The following GABRA2 variants were observed in gnomAD, a reference collection of about 807,000 sequenced individuals.
GABRA2 encodes the protein gamma-aminobutyric acid type A receptor subunit alpha2, also known as gamma-aminobutyric acid receptor subunit alpha-2.
A neutral mutation model predicts 48.7 loss-of-function variants in GABRA2; 16 were observed. The observed-to-expected ratio is 0.33, with a 90% CI of 0.22 to 0.50. GABRA2 has a LOEUF of 0.50. Among genes scored for constraint, GABRA2 ranks in the 20% least tolerant of loss-of-function variants. GABRA2 has a pLI of 0.98. For synonymous variants in GABRA2, 185 were observed against 184.5 expected, an observed-to-expected ratio of 1.00 and a Z score of -0.02; for missense variants, 275 against 535.6, an observed-to-expected ratio of 0.51 and a Z score of 4.80.
At chr4:46,321,563 A>G (rs1487398475) in intron 4 of GABRA2, among the ~76,000 whole-genome samples, 1 of 152,106 alleles carries the variant, frequency 6.6e-6, no homozygotes, top group Non-Finnish European at 1.5e-5. Flanking sequence ...TAAGAAATAG[A>G]TGTTAAAACA....
At chr4:46,314,364 G>T (rs1456640217) in intron 4 of GABRA2, among the ~76,000 whole-genome samples, 1 of 152,046 alleles carries the variant, frequency 6.6e-6, no homozygotes, top group East Asian at 1.9e-4. Flanking sequence ...TGTTTCAGAA[G>T]CTATTGATAT....
chr4:46,291,897 T>C (rs566259617), intron 8 of GABRA2, among the ~76,000 whole-genome samples: 1 of 151,648 alleles, frequency 6.6e-6, no homozygotes, highest in Admixed American at 6.6e-5. Context: ...TACAGAGAAA[T>C]AGAATATTAA....
At chr4:46,389,009 T>C in intron 1 of GABRA2, 1 of 1,183,534 alleles carries the variant, frequency 8.4e-7, no homozygotes, top group Non-Finnish European at 1.0e-6. Context: ...TCCCCCAGCC[T>C]CATCGTCAGC....
chr4:46,299,664 T>G (rs1184912199), intron 8 of GABRA2, among the ~76,000 whole-genome samples: 2 of 136,292 alleles, frequency 1.5e-5, no homozygotes, highest in African/African-American at 5.9e-5. Context: ...GTTGGAGAAT[T>G]GGGTTTCTTT....
intron 7 of GABRA2, among the ~76,000 whole-genome samples, 156 bp downstream of exon 7, chr4:46,305,412 A>AT (rs1264429794): frequency 2.4e-5 from 3 of 125,162 alleles, no homozygotes; most frequent in Non-Finnish European, 5.5e-5. Context: ...TTAAAGTATA[A>AT]TTAAAAAAAA....
chr4:46,279,560 A>G (rs796623127), intron 8 of GABRA2, among the ~76,000 whole-genome samples: 7 of 152,208 alleles, frequency 4.6e-5, no homozygotes, highest in African/African-American at 1.7e-4. Context: ...GTTATATTAA[A>G]CAGAGTCATA....
At chr4:46,264,156 AT>A (rs35779859) in intron 8 of GABRA2, among the ~76,000 whole-genome samples, 95,144 of 151,738 alleles carry the variant, frequency 0.63, 30,509 homozygotes, top group South Asian at 0.76. Flanking sequence ...AACACAACTG[AT>A]TTTTTTCTAC....
intron 3 of GABRA2, 138 bp from the exon 4 acceptor site, chr4:46,332,820 C>T (rs1380519323): frequency 2.4e-5 from 13 of 538,380 alleles, no homozygotes; most frequent in Admixed American, 6.8e-5. Flanking sequence ...TGTCAACTTT[C>T]GCAACCATAA....
At chr4:46,290,315 A>C (rs1317123791) in intron 8 of GABRA2, among the ~76,000 whole-genome samples, 1 of 152,068 alleles carries the variant, frequency 6.6e-6, no homozygotes, top group Non-Finnish European at 1.5e-5. Flanking sequence ...AAAAAAAGCC[A>C]TTGAATTTTC....
chr4:46,345,388 A>T (rs1483455701), intron 3 of GABRA2, among the ~76,000 whole-genome samples: 1 of 151,688 alleles, frequency 6.6e-6, no homozygotes, highest in African/African-American at 2.4e-5. Context: ...CTAAACATAC[A>T]ATGGTGTTCT....
intron 4 of GABRA2, among the ~76,000 whole-genome samples, chr4:46,325,436 T>C (rs570015708): frequency 2.6e-5 from 4 of 152,116 alleles, no homozygotes; most frequent in African/African-American, 4.8e-5. Flanking sequence ...AGATTGTTTG[T>C]TTTTCACTTA....
At chr4:46,379,793 C>T (rs1477739862) in intron 3 of GABRA2, among the ~76,000 whole-genome samples, 2 of 152,206 alleles carry the variant, frequency 1.3e-5, no homozygotes, top group East Asian at 3.9e-4. Flanking sequence ...GAAGCAGAAG[C>T]TTTAACATCT....
intron 7 of GABRA2, among the ~76,000 whole-genome samples, 180 bp from the exon 8 acceptor site, chr4:46,303,792 A>G (rs902147070): frequency 6.6e-6 from 1 of 152,214 alleles, no homozygotes; most frequent in Non-Finnish European, 1.5e-5. Flanking sequence ...GTTTAGAAGA[A>G]AATTTTAGTA....
At chr4:46,332,983 G>A (rs1731628674) in intron 3 of GABRA2, among the ~76,000 whole-genome samples, 2 of 152,046 alleles carry the variant, frequency 1.3e-5, no homozygotes, top group Non-Finnish European at 2.9e-5. Flanking sequence ...AACATCTTAA[G>A]TGAAATAGTT....
chr4:46,345,541 A>G (rs1370634771), intron 3 of GABRA2, among the ~76,000 whole-genome samples: 2 of 151,982 alleles, frequency 1.3e-5, no homozygotes, highest in Admixed American at 1.3e-4. Context: ...TTCTCTCCCC[A>G]TAAGTAGAGA....
intron 3 of GABRA2, among the ~76,000 whole-genome samples, chr4:46,339,599 A>C (rs1161301089): frequency 6.6e-6 from 1 of 151,936 alleles, no homozygotes; most frequent in East Asian, 1.9e-4. Flanking sequence ...TCAAATAAAT[A>C]TACAATTGCA....
intron 8 of GABRA2, among the ~76,000 whole-genome samples, chr4:46,289,392 T>C (rs1723158879): frequency 6.6e-6 from 1 of 152,166 alleles, no homozygotes; most frequent in Non-Finnish European, 1.5e-5. Flanking sequence ...GATCACGTCC[T>C]TTGCAGGAAC....
Position 46,265,448 on chromosome 4 carries a change from G to GTATATATATAA in GABRA2, c.857-3331_857-3321dup, listed in dbSNP as rs1418529481. Among the ~76,000 whole-genome samples the GTATATATATAA allele has an allele frequency of 8.0e-3, 953 of 119,472 alleles. 24 individuals carry two copies. Among genetic ancestry groups the GTATATATATAA allele is most frequent in the African/African-American group, 0.046 (897 of 19,384 alleles). The allele number at this position is 119,472 out of a possible 152,430, so 78.4% of individuals were successfully genotyped here. A position where few individuals can be genotyped will look rare whatever the true frequency, so the allele number is the denominator to read the frequency against. ...TGTGTATATATATATAATATATTGT[G>GTATATATATAA]TATATATATAATATATATATAATAT... On this transcript the variant is annotated intron_variant, in intron 8 of 9. Transcript: ENST00000381620.
intron 4 of GABRA2, among the ~76,000 whole-genome samples, chr4:46,315,714 T>C (rs1025847095): frequency 2.6e-5 from 4 of 152,044 alleles, no homozygotes; most frequent in African/African-American, 4.8e-5. Flanking sequence ...ATGTCTTTCA[T>C]TTGTGTTCTA....
Sources: allele counts gnomAD v4.1 joint callset (sites outside exome capture counted in the v4.1 genomes callset), GRCh38; gene constraint gnomAD v4.1.1; transcripts MANE v1.5; gene names NCBI Gene and HGNC (gene_info 2026-07-23, HGNC 2026-07-21).